Variants in NCS1 observed in about 807,000 individuals in gnomAD.
NCS1 encodes neuronal calcium sensor 1, also known as frequenin homolog.
NCS1 carries 6 observed loss-of-function variants against 28.4 expected under a neutral mutation model. That is an observed-to-expected ratio of 0.21 (90% confidence interval 0.12 to 0.42). The LOEUF (loss-of-function observed/expected upper bound fraction) is 0.42. NCS1 is among the 10% of genes least tolerant of loss of function. The pLI is 1.00. For synonymous variants in NCS1, 86 were observed against 99.3 expected (o/e 0.87, Z 0.79); for missense variants, 131 against 241.4 (o/e 0.54, Z 3.03).
chr9:130,199,845 T>C (rs34619770), intron 1 of NCS1, among the ~76,000 whole-genome samples: 10,850 of 152,278 alleles, frequency 0.071, 477 homozygotes, highest in Middle Eastern at 0.12. Flanking sequence ...TAGATTCTAG[T>C]TCCTTTACTC....
chr9:130,180,000 TATCTATC>T (rs1832631101), intron 1 of NCS1, among the ~76,000 whole-genome samples: 33 of 718 alleles, frequency 0.046, 1 homozygote, highest in African/African-American at 0.052. Context: ...TCTTTTTATC[TATCTATC>T]TATCTATCTA....
rs528436733 is a variant in NCS1, at chr9:130,222,294, A to G, written c.308-356A>G. 1.5e-3 allele frequency among the ~76,000 whole-genome samples: 223 copies of G among 151,786 alleles called. 2 individuals are homozygous for G. Among genetic ancestry groups the G allele is most frequent in the African/African-American group, 5.3e-3 (218 of 41,396 alleles). ...CTCAACCTCCCAAGTAGCTGGAACT[A>G]CAGGCACCGCCACCAGGCCTGGCTA... On this transcript the variant is annotated intron_variant, in intron 4 of 7. Transcript: ENST00000372398.
chr9:130,189,947 T>G (rs528156538), intron 1 of NCS1, among the ~76,000 whole-genome samples: 68 of 142,766 alleles, frequency 4.8e-4, no homozygotes, highest in Non-Finnish European at 8.1e-4. Flanking sequence ...GCAGAAGATG[T>G]GGCTTACTTC....
intron 6 of NCS1, 81 bp downstream of exon 6, chr9:130,223,240 C>A: frequency 1.5e-6 from 2 of 1,369,730 alleles, no homozygotes; most frequent in Non-Finnish European, 2.1e-6. Flanking sequence ...GGATCCTGGG[C>A]CTGGCTTTGC....
chr9:130,226,602 T>C lies in NCS1; in HGVS notation c.*17+98T>C. Reference sequence around the variant, plus strand: ...CGGTTGGCAGGTAATTACCTGGGTCTCTGGGGGTGTTGTGGTCAGCCTAGC... The same window carrying C: ...CGGTTGGCAGGTAATTACCTGGGTCCCTGGGGGTGTTGTGGTCAGCCTAGC... On this transcript the variant is annotated intron_variant, in intron 7 of 7. Transcript: ENST00000372398. The surrounding 1 kb of genome is among the most constrained non-coding windows in gnomAD (Gnocchi z 4.8). 1 of 887,810 alleles carries C rather than the reference T, an allele frequency of 1.1e-6. No homozygotes were observed. The highest frequency in any genetic ancestry group is 1.8e-6 in the Non-Finnish European group (1 of 562,632). 55.0% of individuals were successfully genotyped at this position (887,810 alleles called of 1,614,324 possible). A position where few individuals can be genotyped will look rare whatever the true frequency, so the allele number is the denominator to read the frequency against.
intron 7 of NCS1, among the ~76,000 whole-genome samples, chr9:130,229,703 C>A (rs533232518): frequency 6.6e-6 from 1 of 152,350 alleles, no homozygotes; most frequent in Non-Finnish European, 1.5e-5. Flanking sequence ...AGAGCCCTCG[C>A]ATGATATGAT....
chr9:130,228,795 T>C (rs1833454350), intron 7 of NCS1, among the ~76,000 whole-genome samples: 1 of 151,740 alleles, frequency 6.6e-6, no homozygotes, highest in African/African-American at 2.4e-5. Flanking sequence ...GCTTCCCGAG[T>C]AGCTGGGACT....
At chr9:130,230,536 C>G (rs1329966673) in intron 7 of NCS1, among the ~76,000 whole-genome samples, 4 of 151,916 alleles carry the variant, frequency 2.6e-5, no homozygotes, top group African/African-American at 9.7e-5. Context: ...TAGAGAGACT[C>G]TGTCTCTACA....
In NCS1 at chr9:130,192,070, C is replaced by T. The variant is rs1324889377; in HGVS notation, c.65-8888C>T. ...AGCTCTGGGCAGCAGGCCAGGCCTC[C>T]TTTCTGGGGCAGCTCAGGCCTGGTG... On this transcript the variant is annotated intron_variant, in intron 1 of 7. Transcript: ENST00000372398. The surrounding 1 kb of genome is among the most constrained non-coding windows in gnomAD (Gnocchi z 4.8). Among the ~76,000 whole-genome samples, 1 of 152,180 alleles carries T rather than the reference C, an allele frequency of 6.6e-6. No homozygotes were observed.
chr9:130,200,541 G>T, intron 1 of NCS1: 1 of 1,550,976 alleles, frequency 6.4e-7, no homozygotes, highest in East Asian at 2.4e-5. Flanking sequence ...CATAGGTGGG[G>T]CAGCCGAGTG....
intron 1 of NCS1, among the ~76,000 whole-genome samples, chr9:130,189,703 G>A (rs1449661692): frequency 6.6e-6 from 1 of 151,322 alleles, no homozygotes; most frequent in Non-Finnish European, 1.5e-5. Context: ...TTAGCCGGGT[G>A]TGGTGGCGCG....
intron 2 of NCS1, among the ~76,000 whole-genome samples, chr9:130,210,328 G>A (rs1173032774): frequency 6.6e-6 from 1 of 151,822 alleles, no homozygotes; most frequent in African/African-American, 2.4e-5. Flanking sequence ...GAACCTGGGA[G>A]GCGGAAGTTG....
rs1328992818 is a variant in NCS1, at chr9:130,192,766, T to C, written c.65-8192T>C. 2.0e-5 allele frequency among the ~76,000 whole-genome samples: 3 copies of C among 152,066 alleles called. No individual in the cohort carries two copies. Among genetic ancestry groups the C allele is most frequent in the Non-Finnish European group, 4.4e-5 (3 of 67,978 alleles). ...GAGTGGGGGGAGTGATCTGAGGCCT[T>C]GTGTGCTTGGGGCACCTGGAGGATT... On this transcript the variant is annotated intron_variant, in intron 1 of 7. Transcript: ENST00000372398. The surrounding 1 kb of genome is among the most constrained non-coding windows in gnomAD (Gnocchi z 4.8).
Position 130,192,125 on chromosome 9 carries a change from G to C in NCS1, c.65-8833G>C, listed in dbSNP as rs1216028969. Among the ~76,000 whole-genome samples the C allele has an allele frequency of 3.9e-5, 6 of 152,200 alleles. No homozygotes were observed. Among genetic ancestry groups the C allele is most frequent in the Non-Finnish European group, 7.4e-5 (5 of 68,022 alleles). ...GGCCCAGCTGCCCTTTAGCCAGGCA[G>C]TGGTGGCAGACAGGTATGGGATTGG... On this transcript the variant is annotated intron_variant, in intron 1 of 7. Transcript: ENST00000372398. The surrounding 1 kb of genome is among the most constrained non-coding windows in gnomAD (Gnocchi z 4.8).
At chr9:130,203,634 G>A (rs1832987190) in intron 2 of NCS1, among the ~76,000 whole-genome samples, 1 of 152,178 alleles carries the variant, frequency 6.6e-6, no homozygotes, top group Non-Finnish European at 1.5e-5. Flanking sequence ...GGTCTCAGGG[G>A]ACTGGGGGCT....
chr9:130,176,032 T>A (rs782370437), intron 1 of NCS1, among the ~76,000 whole-genome samples: 12 of 152,180 alleles, frequency 7.9e-5, no homozygotes, highest in Non-Finnish European at 1.6e-4. Context: ...ACTCAGAGGA[T>A]GTGAGAAGTC....
chr9:130,219,819 TTGGCCCTGTG>T lies in NCS1; in HGVS notation c.307+21_307+30del. 6.2e-7 allele frequency: 1 copy of T among 1,613,838 alleles called. No homozygotes were observed. Among genetic ancestry groups the T allele is most frequent in the Non-Finnish European group, 8.5e-7 (1 of 1,179,770 alleles). ...AAGCTACGGTGTAAGTCCTGCCCCC[TTGGCCCTGTG>T]TGGCAGCAGCTGGAGGGCCCAGGTC... On this transcript the variant is annotated intron_variant, in intron 4 of 7. Coordinates refer to ENST00000372398, the MANE Select transcript of NCS1 (RefSeq NM_014286.4). This position sits in a 1 kb window ranked among gnomAD's most constrained non-coding sequence, Gnocchi z 5.7.
At position 130,172,431 on chromosome 9, in the gene NCS1, C is replaced by CGCGCCG. The variant is rs1485507083; in HGVS notation, c.-221_-216dup. 1 of 145,538 alleles carries CGCGCCG rather than the reference C, an allele frequency of 6.9e-6. No homozygotes were observed. The highest frequency in any genetic ancestry group is 1.5e-5 in the Non-Finnish European group (1 of 65,566). 9.0% of individuals were successfully genotyped at this position (145,538 alleles called of 1,614,324 possible). ...TAACCAGGGACGACCGCGGCCACAC[C>CGCGCCG]GCGCCGGCGCCGGCGCCCAGCCCAG... On this transcript the variant is annotated 5_prime_UTR_variant, in exon 1 of 8. Transcript: ENST00000372398.
chr9:130,176,386 G>A (rs1832572482), intron 1 of NCS1, among the ~76,000 whole-genome samples: 1 of 151,738 alleles, frequency 6.6e-6, no homozygotes, highest in South Asian at 2.1e-4. Context: ...TGTAGAGTTA[G>A]GGTCTTGCCC....
Sources: allele counts gnomAD v4.1 joint callset (sites outside exome capture counted in the v4.1 genomes callset), GRCh38; gene constraint gnomAD v4.1.1; non-coding constraint Gnocchi (gnomAD v3.1); transcripts MANE v1.5; gene names NCBI Gene and HGNC (gene_info 2026-07-23, HGNC 2026-07-21).